The following ABLIM1 variants were observed in gnomAD, a reference collection of about 807,000 sequenced individuals.
The protein encoded by ABLIM1 is actin binding LIM protein 1, also known as actin-binding LIM protein 1.
A neutral mutation model predicts 107.0 loss-of-function variants in ABLIM1; 40 were observed. The observed-to-expected ratio is 0.37, with a 90% CI of 0.29 to 0.49. The LOEUF (loss-of-function observed/expected upper bound fraction) is 0.49. Among genes scored for constraint, ABLIM1 ranks in the 20% least tolerant of loss-of-function variants. ABLIM1 has a pLI of 0.97. For missense variants in ABLIM1, 857 were observed against 1,008.5 expected (o/e 0.85, Z 2.04); for synonymous variants, 357 against 357.3 (o/e 1.00, Z 0.01).
intron 6 of ABLIM1, among the ~76,000 whole-genome samples, chr10:114,544,483 G>T (rs920231519): frequency 1.3e-5 from 2 of 152,198 alleles, no homozygotes; most frequent in Non-Finnish European, 2.9e-5. Context: ...AACTTGACAG[G>T]CTTCAGCTCA....
chr10:114,574,542 C>T (rs1159204702), intron 3 of ABLIM1, among the ~76,000 whole-genome samples: 3 of 152,060 alleles, frequency 2.0e-5, no homozygotes, highest in Admixed American at 1.3e-4. Flanking sequence ...CGGGTTCAAG[C>T]CATTCTCCTG....
chr10:114,548,107 G>A (rs1024501707), intron 4 of ABLIM1, among the ~76,000 whole-genome samples: 7 of 152,192 alleles, frequency 4.6e-5, no homozygotes, highest in Admixed American at 3.3e-4. Flanking sequence ...TGTCTTGGCT[G>A]TGATTTTAAG....
intron 4 of ABLIM1, among the ~76,000 whole-genome samples, chr10:114,558,048 G>C (rs1363783037): frequency 6.6e-6 from 1 of 152,038 alleles, no homozygotes; most frequent in Non-Finnish European, 1.5e-5. Flanking sequence ...CATCTCCTTG[G>C]CTGAAGCACC....
chr10:114,473,162 C>T (rs1363836876), intron 9 of ABLIM1, 30 bp from the exon 10 acceptor site: 3 of 1,585,944 alleles, frequency 1.9e-6, no homozygotes, highest in East Asian at 4.5e-5. Flanking sequence ...AGAACAATTA[C>T]CTTGTAGTCT....
At chr10:114,460,564 G>A (rs2063673477) in intron 12 of ABLIM1, among the ~76,000 whole-genome samples, 1 of 152,200 alleles carries the variant, frequency 6.6e-6, no homozygotes, top group Admixed American at 6.5e-5. Context: ...TTGTGCCACT[G>A]CATGCCAGCC....
At chr10:114,749,450 C>CACACACACACACA (rs1555232340) in intron 1 of ABLIM1, among the ~76,000 whole-genome samples, 1 of 141,488 alleles carries the variant, frequency 7.1e-6, no homozygotes, top group African/African-American at 2.6e-5. Context: ...AACACACACA[C>CACACACACACACA]CACACACACA....
chr10:114,615,015 A>C, intron 1 of ABLIM1, among the ~76,000 whole-genome samples: 1 of 149,392 alleles, frequency 6.7e-6, no homozygotes, highest in Non-Finnish European at 1.5e-5. Context: ...ATGCCATTGC[A>C]CTCCAGTCTG....
chr10:114,452,841 T>C (rs2139692216), intron 13 of ABLIM1, among the ~76,000 whole-genome samples: 1 of 152,320 alleles, frequency 6.6e-6, no homozygotes, highest in South Asian at 2.1e-4. Context: ...TTGCAAGATA[T>C]CTTCACGGGC....
At chr10:114,447,802 T>C in intron 15 of ABLIM1, 78 bp downstream of exon 15, 1 of 1,571,276 alleles carries the variant, frequency 6.4e-7, no homozygotes, top group Non-Finnish European at 8.7e-7. Flanking sequence ...GGATACATTT[T>C]CTTTCATGTT....
chr10:114,556,595 C>G (rs1591174030), intron 4 of ABLIM1, among the ~76,000 whole-genome samples: 1 of 152,296 alleles, frequency 6.6e-6, no homozygotes, highest in African/African-American at 2.4e-5. Flanking sequence ...AGTTGGGCAG[C>G]AGTTTTGACA....
chr10:114,636,889 C>T (rs1208239097), intron 1 of ABLIM1, among the ~76,000 whole-genome samples: 1 of 151,988 alleles, frequency 6.6e-6, no homozygotes, highest in Admixed American at 6.6e-5. Flanking sequence ...AAAAACTAGC[C>T]AGAGGTGGTG....
At chr10:114,475,121 C>T (rs1387631040) in intron 8 of ABLIM1, among the ~76,000 whole-genome samples, 1 of 152,178 alleles carries the variant, frequency 6.6e-6, no homozygotes, top group Admixed American at 6.5e-5. Flanking sequence ...ATCACAACAA[C>T]CAGGGCCTCA....
the ABLIM1 span, among the ~76,000 whole-genome samples, chr10:114,775,192 C>T: frequency 6.6e-6 from 1 of 152,106 alleles, no homozygotes; most frequent in East Asian, 1.9e-4. Context: ...ATCACATGAA[C>T]AGCATGGGGA....
chr10:114,440,154 C>A (rs2059987740), intron 19 of ABLIM1, 65 bp from the exon 20 acceptor site: 2 of 1,467,024 alleles, frequency 1.4e-6, no homozygotes, highest in Non-Finnish European at 1.9e-6. Flanking sequence ...GAACCATTCA[C>A]AGACTATATT....
chr10:114,583,448 CACACACACACACACACACACATATAT>C (rs1373675984), intron 2 of ABLIM1, among the ~76,000 whole-genome samples: 10 of 75,706 alleles, frequency 1.3e-4, no homozygotes, highest in African/African-American at 7.5e-4. Flanking sequence ...CACACACACA[CACACACACACACACACACACATATAT>C]ATATATATAT....
the ABLIM1 span, among the ~76,000 whole-genome samples, chr10:114,797,644 T>C: frequency 6.6e-6 from 1 of 152,288 alleles, no homozygotes; most frequent in East Asian, 1.9e-4. Context: ...TTTCCTCCTT[T>C]GAAAAAAACT....
chr10:114,730,465 C>A (rs1307067838), intron 1 of ABLIM1, among the ~76,000 whole-genome samples: 1 of 150,800 alleles, frequency 6.6e-6, no homozygotes, highest in African/African-American at 2.4e-5. Flanking sequence ...GATCAGTCAC[C>A]AAGAGAAATC....
intron 2 of ABLIM1, among the ~76,000 whole-genome samples, chr10:114,576,575 G>A (rs182420152): frequency 5.2e-4 from 79 of 152,208 alleles, no homozygotes; most frequent in African/African-American, 1.4e-4. Context: ...GGACCTGCTC[G>A]AATGCTCCCA....
chr10:114,760,021 AC>A lies in ABLIM1; in HGVS notation c.-213+8039del, dbSNP rs2082711398. Among the ~76,000 whole-genome samples the A allele has an allele frequency of 3.3e-5, 5 of 152,086 alleles. No individual in the cohort carries two copies. The South Asian group carries it at 1.0e-3, about 32-fold the overall frequency. Reference sequence around the variant, plus strand: ...TTCTAATGTCCTTTAATCTTTTTCCACCCAAAAACCATGACAATCTTTACTG... The same window carrying A: ...TTCTAATGTCCTTTAATCTTTTTCCACCAAAAACCATGACAATCTTTACTG... On this transcript the variant is annotated intron_variant, in intron 1 of 15. Coordinates refer to the ABLIM1 transcript ENST00000651092.
Sources: allele counts gnomAD v4.1 joint callset (sites outside exome capture counted in the v4.1 genomes callset), GRCh38; gene constraint gnomAD v4.1.1; transcripts MANE v1.5; gene names NCBI Gene and HGNC (gene_info 2026-07-23, HGNC 2026-07-21).